Variants in NCOA2 observed in about 807,000 individuals in gnomAD.
The protein encoded by NCOA2 is class E basic helix-loop-helix protein 75.
NCOA2 carries 21 observed loss-of-function variants against 145.1 expected under a neutral mutation model. The ratio of observed to expected loss-of-function variants is 0.14; its 90% CI spans 0.10 to 0.21. NCOA2 has a LOEUF of 0.21. NCOA2 is among the 10% of genes least tolerant of loss of function. NCOA2 has a pLI of 1.00. For synonymous variants in NCOA2, 619 were observed against 637.5 expected (o/e 0.97, Z 0.44); for missense variants, 1,472 against 1,837.6 (o/e 0.80, Z 3.64).
At chr8:70,113,668 G>A (rs947676098) in intron 22 of NCOA2, 25 bp from the exon 23 acceptor site, 4 of 1,550,632 alleles carry the variant, frequency 2.6e-6, no homozygotes, top group Admixed American at 2.0e-5. Flanking sequence ...ATAAAAAGTT[G>A]TGAAACATCT....
chr8:70,202,062 CA>C (rs2133566147), intron 4 of NCOA2, among the ~76,000 whole-genome samples: 1 of 152,272 alleles, frequency 6.6e-6, no homozygotes, highest in Admixed American at 6.5e-5. Flanking sequence ...TTATTCTTTT[CA>C]AAATATCTCC....
At chr8:70,190,107 A>C (rs982714058) in intron 4 of NCOA2, among the ~76,000 whole-genome samples, 2 of 152,202 alleles carry the variant, frequency 1.3e-5, no homozygotes, top group Non-Finnish European at 2.9e-5. Context: ...CAGCTCAAAA[A>C]AATTTTTGGA....
chr8:70,254,091 C>T (rs903445364), intron 2 of NCOA2, among the ~76,000 whole-genome samples: 14 of 152,140 alleles, frequency 9.2e-5, no homozygotes, highest in African/African-American at 3.1e-4. Context: ...GACTTGAATA[C>T]ACATTTCTCC....
chr8:70,337,519 G>A (rs952023617), intron 1 of NCOA2, among the ~76,000 whole-genome samples: 1 of 152,130 alleles, frequency 6.6e-6, no homozygotes, highest in African/African-American at 2.4e-5. Flanking sequence ...CCCAGCCTCT[G>A]CGTAACTTGT....
At chr8:70,180,756 C>T (rs1473555065) in intron 4 of NCOA2, among the ~76,000 whole-genome samples, 1 of 152,182 alleles carries the variant, frequency 6.6e-6, no homozygotes, top group Non-Finnish European at 1.5e-5. Context: ...AGTGCAGTGG[C>T]TATTCACAGG....
chr8:70,264,833 C>CA (rs139308550), intron 2 of NCOA2, among the ~76,000 whole-genome samples: 6,574 of 148,442 alleles, frequency 0.044, 466 homozygotes, highest in African/African-American at 0.15. Flanking sequence ...ATATTATCAC[C>CA]AAAAAAAAAC....
chr8:70,336,377 A>G (rs750698419), intron 1 of NCOA2, among the ~76,000 whole-genome samples: 24 of 152,208 alleles, frequency 1.6e-4, no homozygotes, highest in Non-Finnish European at 3.4e-4. Context: ...GTCCACCCAT[A>G]TTGTAACATG....
chr8:70,124,591 A>T, intron 20 of NCOA2, 97 bp downstream of exon 20: 1 of 1,257,176 alleles, frequency 8.0e-7, no homozygotes, highest in East Asian at 2.5e-5. Flanking sequence ...CGTTTGATAA[A>T]AACAAACAGA....
chr8:70,228,402 G>T (rs1820853705), intron 2 of NCOA2, among the ~76,000 whole-genome samples: 1 of 152,212 alleles, frequency 6.6e-6, no homozygotes, highest in African/African-American at 2.4e-5. Context: ...ACTTTGTGAA[G>T]AGCACAGAAT....
At chr8:70,409,318 A>G in the NCOA2 span, among the ~76,000 whole-genome samples, 1 of 152,366 alleles carries the variant, frequency 6.6e-6, no homozygotes, top group East Asian at 1.9e-4. Flanking sequence ...ATAAAGCTAC[A>G]CTAATTAAGA....
intron 1 of NCOA2, among the ~76,000 whole-genome samples, chr8:70,372,596 C>T (rs1191398684): frequency 4.6e-5 from 7 of 152,058 alleles, no homozygotes. Context: ...TCAAAGGCAC[C>T]CTTCCATCAT....
At chr8:70,436,506 C>G in the NCOA2 span, among the ~76,000 whole-genome samples, 4 of 152,206 alleles carry the variant, frequency 2.6e-5, no homozygotes, top group Non-Finnish European at 5.9e-5. Context: ...GTTCCCATAT[C>G]AGTAAGCCAT....
At chr8:70,423,625 A>T in the NCOA2 span, among the ~76,000 whole-genome samples, 1 of 152,182 alleles carries the variant, frequency 6.6e-6, no homozygotes, top group Non-Finnish European at 1.5e-5. Flanking sequence ...ATGAGGGGGA[A>T]GGAAGAGAAC....
chr8:70,337,060 T>C (rs1009002518), intron 1 of NCOA2, among the ~76,000 whole-genome samples: 1 of 152,146 alleles, frequency 6.6e-6, no homozygotes, highest in Non-Finnish European at 1.5e-5. Context: ...TTTATAAAGA[T>C]GCCATGGAGC....
chr8:70,435,980 A>G, the NCOA2 span, among the ~76,000 whole-genome samples: 2 of 152,106 alleles, frequency 1.3e-5, no homozygotes, highest in Non-Finnish European at 2.9e-5. Flanking sequence ...ACATTTTATT[A>G]TTAGTTTTAT....
chr8:70,138,717 T>G (rs1260048546), intron 14 of NCOA2, among the ~76,000 whole-genome samples: 2 of 152,262 alleles, frequency 1.3e-5, no homozygotes, highest in Admixed American at 1.3e-4. Flanking sequence ...TTTTTCTAGA[T>G]CCAAGTAAGT....
chr8:70,184,781 T>G (rs1170069309), intron 4 of NCOA2, among the ~76,000 whole-genome samples: 1 of 152,148 alleles, frequency 6.6e-6, no homozygotes, highest in African/African-American at 2.4e-5. Flanking sequence ...CAACCCTCAT[T>G]TCTATGAAGC....
intron 2 of NCOA2, among the ~76,000 whole-genome samples, chr8:70,248,241 A>G (rs1032496831): frequency 6.6e-6 from 1 of 152,194 alleles, no homozygotes; most frequent in Non-Finnish European, 1.5e-5. Context: ...ATTCAGTGCC[A>G]TATACAGATC....
the NCOA2 span, among the ~76,000 whole-genome samples, chr8:70,423,489 C>T: frequency 1.3e-5 from 2 of 152,060 alleles, no homozygotes; most frequent in African/African-American, 4.8e-5. Context: ...TTTATACTTT[C>T]TAATTGAATC....
Sources: gnomAD v4.1 joint callset for allele counts (sites outside exome capture counted in the v4.1 genomes callset) on GRCh38, gnomAD v4.1.1 for gene constraint, MANE v1.5 for transcripts, NCBI Gene and HGNC (gene_info 2026-07-23, HGNC 2026-07-21) for gene names.